Variants in ALPK1 observed in about 807,000 individuals in gnomAD.
ALPK1 encodes alpha kinase 1.
Under a neutral mutation model 120.6 loss-of-function variants are expected in ALPK1, and 110 were observed. That is an observed-to-expected ratio of 0.91 (90% CI 0.78 to 1.07). ALPK1 has a LOEUF of 1.07. ALPK1 is among the 50% of genes least tolerant of loss of function. The pLI is 0.00. For missense variants in ALPK1, 1,498 were observed against 1,483.9 expected, an observed-to-expected ratio of 1.01 and a Z score of -0.16; for synonymous variants, 582 against 560.3, an observed-to-expected ratio of 1.04 and a Z score of -0.55.
chr4:112,414,469 G>T lies in ALPK1; in HGVS notation c.475+2444G>T, dbSNP rs953736525. The T allele has an allele frequency of 3.2e-5, 11 of 343,896 alleles. No individual in the cohort carries two copies. In the Admixed American group the frequency reaches 3.4e-4, roughly 10 times the overall value. 21.3% of individuals were successfully genotyped at this position (343,896 alleles called of 1,614,324 possible). ...TGAAAACTACAAAAATTAGCCAGGC[G>T]TGGTGGCAGCCGCCTGTAATCCCAG... On this transcript the variant is annotated intron_variant, in intron 5 of 15. Transcript: ENST00000650871.
chr4:112,374,727 GAAC>G (rs1731574552), intron 2 of ALPK1, among the ~76,000 whole-genome samples: 1 of 152,196 alleles, frequency 6.6e-6, no homozygotes, highest in African/African-American at 2.4e-5. Context: ...GCAGGCATAA[GAAC>G]AACATTAATC....
At chr4:112,368,348 A>G (rs780383196) in intron 2 of ALPK1, among the ~76,000 whole-genome samples, 4 of 152,128 alleles carry the variant, frequency 2.6e-5, no homozygotes, top group Non-Finnish European at 4.4e-5. Flanking sequence ...GTTTATTAAT[A>G]TTTTCAACAC....
intron 1 of ALPK1, among the ~76,000 whole-genome samples, chr4:112,312,296 T>C (rs1240605947): frequency 6.6e-6 from 1 of 151,958 alleles, no homozygotes; most frequent in Non-Finnish European, 1.5e-5. Flanking sequence ...TTTTTTGAGA[T>C]GGAGTCTTGC....
chr4:112,439,481 G>A (rs231251), intron 13 of ALPK1, among the ~76,000 whole-genome samples: 43,954 of 152,068 alleles, frequency 0.29, 6,698 homozygotes, highest in East Asian at 0.42. Flanking sequence ...GCCACATGCC[G>A]TGTTAAGCAT....
In ALPK1 at chr4:112,357,869, C is replaced by T. The variant is rs544043158; in HGVS notation, c.-100-19809C>T. 3.6e-3 allele frequency: 4,148 copies of T among 1,151,746 alleles called. 21 individuals carry two copies. The highest frequency in any genetic ancestry group is 4.3e-3 in the Non-Finnish European group (3,329 of 767,722). 71.3% of individuals were successfully genotyped at this position (1,151,746 alleles called of 1,614,324 possible). A position where few individuals can be genotyped will look rare whatever the true frequency, so the allele number is the denominator to read the frequency against. On this transcript the variant is annotated intron_variant, in intron 2 of 15. Transcript: ENST00000650871. ...CACTACTTGGCTAGGAAGATGGAGG[C>T]GCTGAGGCCGCTGTTTGTGGAGCCC...
intron 4 of ALPK1, among the ~76,000 whole-genome samples, chr4:112,392,925 A>C (rs889936268): frequency 6.6e-6 from 1 of 152,196 alleles, no homozygotes; most frequent in Non-Finnish European, 1.5e-5. Flanking sequence ...ACAGATTTAA[A>C]AACAAACAAA....
intron 5 of ALPK1, among the ~76,000 whole-genome samples, chr4:112,415,634 CAA>C (rs35692183): frequency 7.9e-6 from 1 of 126,280 alleles, no homozygotes; most frequent in Non-Finnish European, 1.7e-5. Context: ...GACTCTGTCT[CAA>C]AAAAAAAAAG....
rs1578571834 is a variant in ALPK1, at chr4:112,432,324, C to T, written c.2777C>T (p.Ser926Leu). ...NMLNCSQNSS[S>L]SSVWWLKSPA... ...CTAAACTGCAGCCAGAACTCCAGCT[C>T]ATCCTCAGTGTGGTGGCTGAAATCA... Residue 926 changes from serine (S) to leucine (L), a missense_variant, in exon 11 of 16, where the codon TCA becomes TTA. Coordinates refer to ENST00000650871, the MANE Select transcript of ALPK1 (RefSeq NM_025144.4). The T allele has an allele frequency of 5.0e-6, 8 of 1,614,228 alleles. No homozygotes were observed. Among genetic ancestry groups the T allele is most frequent in the Non-Finnish European group, 5.9e-6 (7 of 1,180,032 alleles).
At position 112,440,920 on chromosome 4, in the gene ALPK1, G is replaced by C; in HGVS notation, c.3542G>C (p.Trp1181Ser). Reference protein sequence around the residue: ...HRDVVVDLQGWVTGNGKGLIY... With the variant: ...HRDVVVDLQGSVTGNGKGLIY... ...GGTGTGTTCATTTCTCTTTTAGGTT[G>C]GGTAACCGGTAATGGAAAAGGACTC... Residue 1181 changes from tryptophan (W) to serine (S), a missense_variant, in exon 15 of 16, where the codon TGG (tryptophan) becomes TCG (serine). Coordinates refer to ENST00000650871, the MANE Select transcript of ALPK1 (RefSeq NM_025144.4). The C allele has an allele frequency of 1.2e-6, 2 of 1,608,692 alleles. No homozygotes were observed. Among genetic ancestry groups the C allele is most frequent in the East Asian group, 4.5e-5 (2 of 44,818 alleles).
In ALPK1 at chr4:112,312,122, G is replaced by A. The variant is rs76637608; in HGVS notation, c.-152-3679G>A. ...TTAAAACTTCATTATAAATACTATA[G>A]CTATACAAAGAAAAAATTGTAAAAT... On this transcript the variant is annotated intron_variant, in intron 1 of 15. Transcript: ENST00000650871. Among the ~76,000 whole-genome samples the A allele has an allele frequency of 5.2e-3, 790 of 152,116 alleles. 10 individuals carry two copies. The highest frequency in any genetic ancestry group is 0.018 in the African/African-American group (750 of 41,492).
intron 5 of ALPK1, chr4:112,414,449 A>G (rs569341548): frequency 1.9e-5 from 7 of 367,176 alleles, no homozygotes; most frequent in African/African-American, 1.5e-4. Flanking sequence ...TCTACTGAAA[A>G]CTACAAAAAT....
chr4:112,358,664 C>A, intron 2 of ALPK1: 1 of 712,458 alleles, frequency 1.4e-6, no homozygotes, highest in Non-Finnish European at 2.5e-6. Context: ...GGTGCTCCAC[C>A]CTGTCTCTCC....
rs534621851 is a variant in ALPK1 at position 112,324,188 on chromosome 4, A to G, written c.-101+8336A>G. Among the ~76,000 whole-genome samples the G allele has an allele frequency of 3.4e-4, 52 of 152,204 alleles. 1 individual carries two copies. Among genetic ancestry groups the G allele is most frequent in the African/African-American group, 1.1e-3 (47 of 41,538 alleles). ...TAAAAATACAAAAAATTAGCAGGGCATGGTGGCAGGCGCCTGTAGTCCCAG... is the reference window on the plus strand; with the variant it reads ...TAAAAATACAAAAAATTAGCAGGGCGTGGTGGCAGGCGCCTGTAGTCCCAG... On this transcript the variant is annotated intron_variant, in intron 2 of 15. Coordinates refer to ENST00000650871, the MANE Select transcript of ALPK1 (RefSeq NM_025144.4).
At chr4:112,413,923 C>G (rs1318342439) in intron 5 of ALPK1, among the ~76,000 whole-genome samples, 1 of 152,130 alleles carries the variant, frequency 6.6e-6, no homozygotes, top group African/African-American at 2.4e-5. Flanking sequence ...ATTGTCTTTT[C>G]CTCAAAGACA....
At chr4:112,336,571 C>T (rs1262858874) in intron 2 of ALPK1, among the ~76,000 whole-genome samples, 1 of 152,018 alleles carries the variant, frequency 6.6e-6, no homozygotes, top group African/African-American at 2.4e-5. Context: ...AAAATTTAAC[C>T]ATTTTAAGGG....
chr4:112,314,807 T>A (rs1438875564), intron 1 of ALPK1, among the ~76,000 whole-genome samples: 3 of 150,774 alleles, frequency 2.0e-5, no homozygotes, highest in African/African-American at 7.3e-5. Flanking sequence ...TGTAGGAGAA[T>A]AAGCTGGCCT....
At chr4:112,353,152 C>G (rs540321679) in intron 2 of ALPK1, 6 of 151,844 alleles carry the variant, frequency 4.0e-5, no homozygotes, top group African/African-American at 1.4e-4. Flanking sequence ...ATTTTTGTAT[C>G]TTTTGTAAAG....
At chr4:112,327,997 C>A (rs1729192177) in intron 2 of ALPK1, among the ~76,000 whole-genome samples, 1 of 152,182 alleles carries the variant, frequency 6.6e-6, no homozygotes, top group Non-Finnish European at 1.5e-5. Flanking sequence ...CACGTGAATT[C>A]TCATATACAA....
intron 2 of ALPK1, chr4:112,316,325 A>C (rs1316865147): frequency 1.3e-5 from 2 of 152,178 alleles, no homozygotes; most frequent in African/African-American, 2.4e-5. Context: ...TTCTGTCCTC[A>C]AGGTTCATCC....
Sources: allele counts gnomAD v4.1 joint callset (sites outside exome capture counted in the v4.1 genomes callset), GRCh38; gene constraint gnomAD v4.1.1; transcripts MANE v1.5; gene names NCBI Gene and HGNC (gene_info 2026-07-23, HGNC 2026-07-21).